Variants in CACNA1H observed in about 807,000 individuals in gnomAD.
CACNA1H encodes the protein calcium voltage-gated channel subunit alpha1 H.
In CACNA1H, 149 loss-of-function variants were observed where a neutral mutation model predicts 192.5. The ratio of observed to expected loss-of-function variants is 0.77; its 90% confidence interval spans 0.68 to 0.89. CACNA1H has a LOEUF of 0.89. CACNA1H is among the 40% of genes least tolerant of loss of function. The pLI is 0.00. For missense variants in CACNA1H, 4,257 were observed against 3,423.5 expected, an observed-to-expected ratio of 1.24 and a Z score of -6.08; for synonymous variants, 2,202 against 1,475.2, an observed-to-expected ratio of 1.49 and a Z score of -11.29.
Position 1,220,771 on chromosome 16 carries a change from C to G in CACNA1H, c.6839C>G (p.Pro2280Arg), listed in dbSNP as rs1348407436. 8 of 1,612,534 alleles carry G rather than the reference C, an allele frequency of 5.0e-6. No homozygotes were observed. The highest frequency in any genetic ancestry group is 6.8e-6 in the Non-Finnish European group (8 of 1,179,790). The change falls in exon 35 of 35, where the codon CCT becomes CGT. Residue 2280 changes from proline (P) to arginine (R), a missense_variant. Pro to Arg is a moderately radical substitution (Grantham distance 103). Coordinates refer to ENST00000348261, the MANE Select transcript of CACNA1H (RefSeq NM_021098.3). ...PLDLGVPSGD[P>R]FLDGSHSVTP... ...GACCTCGGGGTCCCCAGTGGAGACC[C>G]TTTCTTGGACGGTAGCCACAGTGTG... is the stretch of plus-strand genomic sequence containing the variant.
intron 2 of CACNA1H, among the ~76,000 whole-genome samples, chr16:1,189,927 A>C (rs1370405006): frequency 6.6e-6 from 1 of 152,210 alleles, no homozygotes; most frequent in Non-Finnish European, 1.5e-5. Flanking sequence ...CATGTCATCC[A>C]GGCCAGACTC....
intron 2 of CACNA1H, among the ~76,000 whole-genome samples, chr16:1,176,786 C>CG (rs1964931866): frequency 6.6e-6 from 1 of 152,166 alleles, no homozygotes; most frequent in South Asian, 2.1e-4. Context: ...AGCGGGGCCG[C>CG]CCCGCCGGGG....
intron 2 of CACNA1H, among the ~76,000 whole-genome samples, chr16:1,168,932 G>A (rs1964081435): frequency 1.3e-5 from 2 of 152,108 alleles, no homozygotes; most frequent in South Asian, 2.1e-4. Flanking sequence ...TCTAGGAGGT[G>A]GGCTGGGGCC....
intron 2 of CACNA1H, among the ~76,000 whole-genome samples, chr16:1,155,842 G>A (rs958837305): frequency 1.3e-5 from 2 of 152,174 alleles, no homozygotes; most frequent in Admixed American, 6.5e-5. Context: ...AGCTCTCCAG[G>A]GGGAGAGGAG....
chr16:1,169,832 G>A (rs1964184137), intron 2 of CACNA1H, among the ~76,000 whole-genome samples: 1 of 152,382 alleles, frequency 6.6e-6, no homozygotes, highest in East Asian at 1.9e-4. Flanking sequence ...CTAGAGCCCA[G>A]GACCGGCTTC....
Position 1,219,084 on chromosome 16 carries a change from G to A in CACNA1H, c.6002G>A (p.Arg2001Gln), listed in dbSNP as rs200399120. ...GAGCCCCTCCACGCCCTGTCCCCTC[G>A]GGGCACAGCCCGCTCCCCCAGTCTC... Reference protein sequence around the residue: ...SGEPLHALSPRGTARSPSLSR... With the variant: ...SGEPLHALSPQGTARSPSLSR... The change falls in exon 34 of 35, where the codon CGG becomes CAG. Residue 2001 changes from arginine to glutamine, a missense_variant. By Grantham distance (43) the Arg-to-Gln change is conservative (BLOSUM62 1). Coordinates refer to ENST00000348261, the MANE Select transcript of CACNA1H (RefSeq NM_021098.3). The A allele has an allele frequency of 1.8e-4, 273 of 1,549,008 alleles. No homozygotes were observed. Among genetic ancestry groups the A allele is most frequent in the South Asian group, 1.1e-3 (93 of 83,978 alleles).
At chr16:1,189,258 C>T (rs1966365851) in intron 2 of CACNA1H, among the ~76,000 whole-genome samples, 1 of 152,056 alleles carries the variant, frequency 6.6e-6, no homozygotes. Context: ...GCTGGGGAGG[C>T]CCAGCCCCTG....
chr16:1,204,196 T>G lies in CACNA1H; in HGVS notation c.2189T>G (p.Phe730Cys), dbSNP rs1219236194. Residue 730 changes from phenylalanine (F) to cysteine (C), a missense_variant, in exon 10 of 35, where the codon TTC (phenylalanine) becomes TGC (cysteine). Physicochemically the swap from Phe to Cys is radical, Grantham distance 205. Coordinates refer to ENST00000348261, the MANE Select transcript of CACNA1H (RefSeq NM_021098.3). ...GDSDGRGVYE[F>C]TQDVRHGDRW... ...TCAGATGGCCGTGGCGTCTATGAAT[T>G]CACGCAGGACGTCCGGCACGGTGAC... 1.2e-6 allele frequency: 2 copies of G among 1,612,230 alleles called. No individual in the cohort carries two copies. Among genetic ancestry groups the G allele is most frequent in the Admixed American group, 1.7e-5 (1 of 59,978 alleles).
intron 2 of CACNA1H, among the ~76,000 whole-genome samples, chr16:1,170,841 T>C (rs1377929881): frequency 6.6e-6 from 1 of 152,264 alleles, no homozygotes; most frequent in South Asian, 2.1e-4. Context: ...TCTTTTTGTT[T>C]TGGGTGCTGG....
Position 1,216,332 on chromosome 16 carries a change from C to T in CACNA1H, c.5245-600C>T, listed in dbSNP as rs9935264. Reference sequence around the variant, plus strand: ...TCCCGAGGGCCAGGTACCACTCCACCAGGTGCTCAGCTGTGCAGAGAAGGG... The same window carrying T: ...TCCCGAGGGCCAGGTACCACTCCACTAGGTGCTCAGCTGTGCAGAGAAGGG... On this transcript the variant is annotated intron_variant, in intron 30 of 34. Coordinates refer to ENST00000348261, the MANE Select transcript of CACNA1H (RefSeq NM_021098.3). Among the ~76,000 whole-genome samples the T allele has an allele frequency of 8.8e-3, 1,335 of 152,382 alleles. 21 individuals carry two copies. The highest frequency in any genetic ancestry group is 0.03 in the African/African-American group (1,237 of 41,588).
At chr16:1,200,147 C>G in intron 6 of CACNA1H, 109 bp from the exon 7 acceptor site, 5 of 904,118 alleles carry the variant, frequency 5.5e-6, no homozygotes, top group Non-Finnish European at 6.7e-6. Context: ...GGCCCTGACC[C>G]TGATCACGTC....
rs577622534 is a variant in CACNA1H at position 1,171,816 on chromosome 16, G to A, written c.299+17780G>A. ...CAGACACTACCCCCAACTCGGCTCC[G>A]TCTCCGAGCGCCAGCTGGGTCTGAG... On this transcript the variant is annotated intron_variant, in intron 2 of 34. Coordinates refer to ENST00000348261, the MANE Select transcript of CACNA1H (RefSeq NM_021098.3). Among the ~76,000 whole-genome samples the A allele has an allele frequency of 5.1e-4, 78 of 152,318 alleles. 2 individuals are homozygous for A. In the South Asian group the frequency reaches 0.013, roughly 25 times the overall value.
intron 4 of CACNA1H, 88 bp from the exon 5 acceptor site, chr16:1,195,838 A>T (rs575823388): frequency 9.2e-7 from 1 of 1,090,218 alleles, no homozygotes; most frequent in African/African-American, 1.5e-5. Flanking sequence ...GGCCGGTTCT[A>T]TGCCTGCCCA....
chr16:1,198,954 C>A, intron 6 of CACNA1H, 180 bp downstream of exon 6: 1 of 603,550 alleles, frequency 1.7e-6, no homozygotes, highest in Middle Eastern at 4.5e-4. Flanking sequence ...CACCCCCCAT[C>A]ATGGCTCCGC....
intron 6 of CACNA1H, among the ~76,000 whole-genome samples, chr16:1,199,761 C>T (rs1218846664): frequency 1.3e-5 from 2 of 150,992 alleles, no homozygotes; most frequent in Non-Finnish European, 3.0e-5. Context: ...GGTTCCCTGC[C>T]CTCAGCCCTC....
chr16:1,154,512 T>G (rs1463935921), intron 2 of CACNA1H, among the ~76,000 whole-genome samples: 1 of 152,044 alleles, frequency 6.6e-6, no homozygotes, highest in Non-Finnish European at 1.5e-5. Flanking sequence ...GCCTGGTGGT[T>G]CCGAGTGCGT....
chr16:1,164,854 G>T (rs1260716429), intron 2 of CACNA1H, among the ~76,000 whole-genome samples: 2 of 152,204 alleles, frequency 1.3e-5, no homozygotes, highest in African/African-American at 4.8e-5. Context: ...TCTGGAGGAG[G>T]TGTGGGTGAG....
chr16:1,216,908 C>A, intron 30 of CACNA1H, 24 bp from the exon 31 acceptor site: 3 of 1,586,438 alleles, frequency 1.9e-6, no homozygotes, highest in Non-Finnish European at 8.6e-7. Flanking sequence ...CCGTCTGACC[C>A]AGCTCTGCTT....
chr16:1,154,596 C>G (rs1298906550), intron 2 of CACNA1H, among the ~76,000 whole-genome samples: 3 of 152,054 alleles, frequency 2.0e-5, no homozygotes, highest in African/African-American at 2.4e-5. Context: ...TGGTTGTGAA[C>G]TCGCTTTTTC....
Sources: allele counts gnomAD v4.1 joint callset (sites outside exome capture counted in the v4.1 genomes callset), GRCh38; gene constraint gnomAD v4.1.1; transcripts MANE v1.5; gene names NCBI Gene and HGNC (gene_info 2026-07-23, HGNC 2026-07-21).